Variants in OR56A3 observed in about 807,000 individuals in gnomAD.
OR56A3 encodes the protein olfactory receptor family 56 subfamily A member 3.
Under a neutral mutation model 17.5 loss-of-function variants are expected in OR56A3, and 23 were observed. That is an observed-to-expected ratio of 1.32 (90% CI 0.95 to 1.87). OR56A3 has a LOEUF of 1.87. Among genes scored for constraint, OR56A3 ranks in the 40% most tolerant of loss-of-function variants. OR56A3 has a pLI of 0.00. For missense variants in OR56A3, 366 were observed against 380.1 expected (o/e 0.96, Z 0.31); for synonymous variants, 175 against 150.6 (o/e 1.16, Z -1.19).
the OR56A3 span, among the ~76,000 whole-genome samples, chr11:6,009,471 G>A: frequency 1.3e-5 from 2 of 152,062 alleles, no homozygotes; most frequent in African/African-American, 2.4e-5. Flanking sequence ...TTATTGACAA[G>A]TATTTTACAT....
chr11:5,943,855 A>G (rs1847853759), intron 1 of OR56A3, among the ~76,000 whole-genome samples: 1 of 152,252 alleles, frequency 6.6e-6, no homozygotes, highest in Non-Finnish European at 1.5e-5. Context: ...ATGACAAGAA[A>G]GTAATGCAGA....
In OR56A3 at chr11:5,950,173, T is replaced by G. The variant is rs927435321; in HGVS notation, c.*1879T>G. ...AATATGCTATATTAACATATACTTA[T>G]CAAAACACCAAAACTTTGAGGACTA... is the stretch of plus-strand genomic sequence containing the variant. On this transcript the variant is annotated 3_prime_UTR_variant, in exon 3 of 3. Transcript: ENST00000641160. 1 of 152,196 alleles carries G rather than the reference T, an allele frequency of 6.6e-6. No homozygotes were observed. The highest frequency in any genetic ancestry group is 1.5e-5 in the Non-Finnish European group (1 of 68,014). 9.4% of individuals were successfully genotyped at this position (152,196 alleles called of 1,614,324 possible).
the OR56A3 span, chr11:6,021,457 C>T: frequency 6.6e-6 from 1 of 151,778 alleles, no homozygotes; most frequent in Non-Finnish European, 1.5e-5. Context: ...TGCTAATTAC[C>T]CTGATCTGCT....
At chr11:5,987,622 C>T in the OR56A3 span, among the ~76,000 whole-genome samples, 1 of 152,124 alleles carries the variant, frequency 6.6e-6, no homozygotes, top group Non-Finnish European at 1.5e-5. Flanking sequence ...TATGTTTTGG[C>T]AATAATTTTT....
At chr11:6,015,117 G>C in the OR56A3 span, among the ~76,000 whole-genome samples, 1 of 151,770 alleles carries the variant, frequency 6.6e-6, no homozygotes, top group East Asian at 1.9e-4. Flanking sequence ...CCATTTTCAG[G>C]GAGGCATTCA....
rs908461197 is a variant in OR56A3, at chr11:5,951,340, C to G, written c.*3046C>G. The G allele has an allele frequency of 6.6e-6, 1 of 150,814 alleles. No homozygotes were observed. Among genetic ancestry groups the G allele is most frequent in the Non-Finnish European group, 1.5e-5 (1 of 67,174 alleles). 9.3% of individuals were successfully genotyped at this position (150,814 alleles called of 1,614,324 possible). A position where few individuals can be genotyped will look rare whatever the true frequency, so the allele number is the denominator to read the frequency against. ...TTGTAATTCATTAAATTTTTCTTTA[C>G]ATCATTTACACACACATAGATCTGA... On this transcript the variant is annotated 3_prime_UTR_variant, in exon 3 of 3. Transcript: ENST00000641160.
chr11:5,985,198 G>A, the OR56A3 span, among the ~76,000 whole-genome samples: 5 of 151,974 alleles, frequency 3.3e-5, no homozygotes, highest in Admixed American at 6.6e-5. Context: ...GGTTACTTTT[G>A]GGTTTTTTAA....
At chr11:5,983,567 A>C in the OR56A3 span, among the ~76,000 whole-genome samples, 1 of 152,140 alleles carries the variant, frequency 6.6e-6, no homozygotes, top group East Asian at 1.9e-4. Flanking sequence ...AAGGATGAGA[A>C]GGCTCCCTCA....
the OR56A3 span, among the ~76,000 whole-genome samples, chr11:5,981,558 C>G: frequency 6.6e-6 from 1 of 152,126 alleles, no homozygotes; most frequent in African/African-American, 2.4e-5. Flanking sequence ...TTCAGCTCTT[C>G]TATCATTTTA....
chr11:5,994,390 C>A, the OR56A3 span: 4 of 716,186 alleles, frequency 5.6e-6, no homozygotes, highest in Middle Eastern at 3.9e-4. Flanking sequence ...TTCTTCCCAG[C>A]CAGCTCGTCG....
chr11:5,985,186 A>T, the OR56A3 span, among the ~76,000 whole-genome samples: 1 of 152,210 alleles, frequency 6.6e-6, no homozygotes, highest in African/African-American at 2.4e-5. Context: ...TAATAATTAT[A>T]TGGTTACTTT....
chr11:5,955,752 C>A (rs1047805681), downstream of OR56A3, among the ~76,000 whole-genome samples: 1 of 152,176 alleles, frequency 6.6e-6, no homozygotes, highest in African/African-American at 2.4e-5. Flanking sequence ...TCTCTTTTCA[C>A]TCTTCATTTT....
At chr11:6,009,116 T>C in the OR56A3 span, among the ~76,000 whole-genome samples, 60 of 152,310 alleles carry the variant, frequency 3.9e-4, no homozygotes, top group Middle Eastern at 3.4e-3. Context: ...TTTGCAGATG[T>C]AATAAACTTA....
At chr11:6,008,024 T>C in the OR56A3 span, among the ~76,000 whole-genome samples, 1 of 152,204 alleles carries the variant, frequency 6.6e-6, no homozygotes, top group South Asian at 2.1e-4. Flanking sequence ...TCACTTTCCA[T>C]AGAGCAATGC....
the OR56A3 span, among the ~76,000 whole-genome samples, chr11:5,979,770 T>C: frequency 6.6e-6 from 1 of 152,114 alleles, no homozygotes; most frequent in African/African-American, 2.4e-5. Context: ...TTCTTGTTTT[T>C]CTAGTTCCTC....
chr11:5,952,531 CTTT>C (rs1246605707), downstream of OR56A3, among the ~76,000 whole-genome samples: 1 of 149,306 alleles, frequency 6.7e-6, no homozygotes, highest in Non-Finnish European at 1.5e-5. Context: ...TTTTTCTCAA[CTTT>C]TATTTTAGAT....
chr11:5,997,654 C>T, the OR56A3 span, among the ~76,000 whole-genome samples: 1 of 152,086 alleles, frequency 6.6e-6, no homozygotes, highest in Admixed American at 6.5e-5. Context: ...TGAGGCATTA[C>T]AAATAAAAAT....
chr11:5,960,458 G>A, the OR56A3 span, among the ~76,000 whole-genome samples: 43 of 152,346 alleles, frequency 2.8e-4, no homozygotes, highest in Admixed American at 1.2e-3. Flanking sequence ...ACCGGGTTTC[G>A]CCCTGTTGGC....
chr11:6,004,606 C>T, the OR56A3 span, among the ~76,000 whole-genome samples: 2 of 152,110 alleles, frequency 1.3e-5, no homozygotes, highest in African/African-American at 2.4e-5. Context: ...AAAATTTACC[C>T]ATTGTAGGGC....
Sources: allele counts gnomAD v4.1 joint callset (sites outside exome capture counted in the v4.1 genomes callset), GRCh38; gene constraint gnomAD v4.1.1; transcripts MANE v1.5; gene names NCBI Gene and HGNC (gene_info 2026-07-23, HGNC 2026-07-21).